Variants in GK5 observed in about 807,000 individuals in gnomAD.
GK5 encodes the protein ATP:glycerol 3-phosphotransferase 5.
In GK5, 39 loss-of-function variants were observed where a neutral mutation model predicts 77.3. The observed-to-expected ratio is 0.50, with a 90% CI of 0.39 to 0.66. The LOEUF (loss-of-function observed/expected upper bound fraction) is 0.66. Among genes scored for constraint, GK5 ranks in the 30% least tolerant of loss-of-function variants. The pLI is 0.00. For missense variants in GK5, 487 were observed against 633.8 expected, an observed-to-expected ratio of 0.77 and a Z score of 2.49; for synonymous variants, 211 against 208.0, an observed-to-expected ratio of 1.01 and a Z score of -0.13.
intron 12 of GK5, among the ~76,000 whole-genome samples, chr3:142,175,405 T>G (rs1221897868): frequency 6.6e-6 from 1 of 152,180 alleles, no homozygotes; most frequent in African/African-American, 2.4e-5. Flanking sequence ...AAAATGAGAC[T>G]ATTAGGGGCC....
At chr3:142,207,570 T>C (rs2064127660) in intron 3 of GK5, among the ~76,000 whole-genome samples, 1 of 152,204 alleles carries the variant, frequency 6.6e-6, no homozygotes, top group Non-Finnish European at 1.5e-5. Context: ...ACAAATGTTA[T>C]GTTAAAGAAT....
chr3:142,221,665 A>C (rs1270735750), intron 1 of GK5, among the ~76,000 whole-genome samples: 4 of 152,210 alleles, frequency 2.6e-5, no homozygotes, highest in Non-Finnish European at 5.9e-5. Flanking sequence ...ATAGTTTCTC[A>C]TAATGGCATG....
chr3:142,179,707 C>A (rs2063667379), intron 11 of GK5, among the ~76,000 whole-genome samples: 1 of 152,156 alleles, frequency 6.6e-6, no homozygotes, highest in African/African-American at 2.4e-5. Flanking sequence ...TCATTCCTTG[C>A]TTGAAGAATT....
At chr3:142,178,654 AATTT>A (rs746360197) in intron 11 of GK5, among the ~76,000 whole-genome samples, 39 of 152,340 alleles carry the variant, frequency 2.6e-4, no homozygotes, top group Non-Finnish European at 4.9e-4. Context: ...ACAATTTATC[AATTT>A]ATTCTATTAG....
At chr3:142,173,201 A>T (rs76226034) in intron 12 of GK5, 3 of 243,650 alleles carry the variant, frequency 1.2e-5, no homozygotes, top group Non-Finnish European at 2.4e-5. Flanking sequence ...ACAGGGTCTA[A>T]AAAAAAAAAA....
intron 1 of GK5, among the ~76,000 whole-genome samples, chr3:142,220,899 A>G (rs1291718405): frequency 1.3e-5 from 2 of 152,144 alleles, no homozygotes; most frequent in Non-Finnish European, 2.9e-5. Context: ...AGGAGCCCCA[A>G]TTCCTTTCCT....
rs1407448771 is a variant in GK5, at chr3:142,159,847, C to CTTTTTTTTTTT, written c.*5774_*5775insAAAAAAAAAAA. On this transcript the variant is annotated 3_prime_UTR_variant, in exon 16 of 16. Transcript: ENST00000392993. ...TGGGGCTTTCTCTCTCTCTCTCTCT[C>CTTTTTTTTTTT]TCTCTCTTTTTTTTTTTTGAGACAG... 5.8e-5 allele frequency: 6 copies of CTTTTTTTTTTT among 103,210 alleles called. No individual in the cohort carries two copies. The highest frequency in any genetic ancestry group is 2.4e-4 in the African/African-American group (6 of 25,194). The allele number at this position is 103,210 out of a possible 1,614,324, so 6.4% of individuals were successfully genotyped here.
intron 3 of GK5, among the ~76,000 whole-genome samples, chr3:142,209,632 G>C (rs1352102308): frequency 1.3e-5 from 2 of 152,122 alleles, no homozygotes; most frequent in Non-Finnish European, 2.9e-5. Context: ...TATATTTTAA[G>C]TCATAAGTAT....
At chr3:142,192,800 C>A (rs2063871853) in intron 5 of GK5, among the ~76,000 whole-genome samples, 1 of 151,438 alleles carries the variant, frequency 6.6e-6, no homozygotes, top group Non-Finnish European at 1.5e-5. Flanking sequence ...ATAAACTGTG[C>A]CACATTCAGA....
chr3:142,202,867 G>T (rs1197518173), intron 4 of GK5, among the ~76,000 whole-genome samples: 1 of 152,184 alleles, frequency 6.6e-6, no homozygotes, highest in Admixed American at 6.5e-5. Flanking sequence ...TGAGGAAGGA[G>T]AATTGCTTGA....
At chr3:142,224,305 G>A (rs543546041) in intron 1 of GK5, among the ~76,000 whole-genome samples, 3 of 152,096 alleles carry the variant, frequency 2.0e-5, no homozygotes, top group African/African-American at 4.8e-5. Flanking sequence ...CAGCTACTTG[G>A]GGGGCTGAGG....
At chr3:142,176,118 G>A (rs2063606436) in intron 12 of GK5, among the ~76,000 whole-genome samples, 1 of 152,086 alleles carries the variant, frequency 6.6e-6, no homozygotes, top group African/African-American at 2.4e-5. Context: ...TGAAGAGGAT[G>A]CAATGGAATC....
chr3:142,202,138 C>T (rs2064034653), intron 4 of GK5, among the ~76,000 whole-genome samples: 1 of 152,022 alleles, frequency 6.6e-6, no homozygotes, highest in Non-Finnish European at 1.5e-5. Flanking sequence ...CTTTAGCAAC[C>T]TCAGGGAGAA....
intron 1 of GK5, among the ~76,000 whole-genome samples, chr3:142,221,809 T>A (rs2064351964): frequency 6.6e-6 from 1 of 152,194 alleles, no homozygotes; most frequent in South Asian, 2.1e-4. Context: ...TAAGAAAGAT[T>A]TTTTAAAAAT....
In GK5 at chr3:142,198,875, G is replaced by A. The variant is rs746324727; in HGVS notation, c.470C>T (p.Thr157Ile). Residue 157 changes from threonine to isoleucine, a missense_variant, in exon 5 of 16, where the codon ACA (threonine) becomes ATA (isoleucine). Thr to Ile is a moderately conservative substitution (Grantham distance 89). Around this residue, in one of 4 missense-constraint regions of GK5, gnomAD observed 323 missense variants for 437.4 expected, o/e 0.74. Transcript: ENST00000392993. ...GGTTGTGAAAGTGAACAAACTGGCT[G>A]TAAAAAGTCGTTTACTTCTAGTGAA... ...HFFTRSKRLF[T>I]ASLFTFTTQQ... 9.9e-6 allele frequency: 16 copies of A among 1,613,212 alleles called. No homozygotes were observed. The highest frequency in any genetic ancestry group is 1.4e-5 in the Non-Finnish European group (16 of 1,179,468).
At chr3:142,207,551 C>T (rs2064127512) in intron 3 of GK5, among the ~76,000 whole-genome samples, 1 of 151,702 alleles carries the variant, frequency 6.6e-6, no homozygotes, top group Non-Finnish European at 1.5e-5. Flanking sequence ...ATGTACTGTA[C>T]TTCTACATAC....
intron 14 of GK5, among the ~76,000 whole-genome samples, chr3:142,171,217 C>G (rs1560209685): frequency 6.6e-6 from 1 of 151,546 alleles, no homozygotes; most frequent in East Asian, 1.9e-4. Context: ...AGTGACACAG[C>G]AAGACTCTGT....
intron 4 of GK5, among the ~76,000 whole-genome samples, chr3:142,201,560 A>C (rs1264656419): frequency 6.6e-6 from 1 of 152,210 alleles, no homozygotes; most frequent in Non-Finnish European, 1.5e-5. Flanking sequence ...GTAGTGACGG[A>C]ACTGTTCAGT....
intron 1 of GK5, among the ~76,000 whole-genome samples, chr3:142,217,951 A>G (rs1313794960): frequency 1.3e-5 from 2 of 152,172 alleles, no homozygotes; most frequent in African/African-American, 4.8e-5. Flanking sequence ...AAAATAGCCA[A>G]AACAACGTTG....
Sources: allele counts gnomAD v4.1 joint callset (sites outside exome capture counted in the v4.1 genomes callset), GRCh38; gene constraint gnomAD v4.1.1; regional missense constraint gnomAD v4.1.1; transcripts MANE v1.5; gene names NCBI Gene and HGNC (gene_info 2026-07-23, HGNC 2026-07-21).